Variants in C12orf50 observed in about 807,000 individuals in gnomAD.
C12orf50 encodes zinc finger CCCH-type containing 11D, also known as uncharacterized protein C12orf50.
Under a neutral mutation model 61.6 loss-of-function variants are expected in C12orf50, and 35 were observed. The observed-to-expected ratio is 0.57, with a 90% CI of 0.43 to 0.75. The LOEUF is 0.75. C12orf50 is among the 30% of genes least tolerant of loss of function. C12orf50 has a pLI of 0.00. For missense variants in C12orf50, 475 were observed against 488.5 expected, an observed-to-expected ratio of 0.97 and a Z score of 0.26; for synonymous variants, 178 against 161.5, an observed-to-expected ratio of 1.10 and a Z score of -0.77.
At position 88,026,548 on chromosome 12, in the gene C12orf50, A is replaced by G. The variant is rs1386639380; in HGVS notation, c.73T>C (p.Cys25Arg). ...CGAGGTTTGCTGTGATAAAAGATAC[A>G]GCTGATCTTCACACAACCAAGAGGC... ...TQPLGCVKIS[C>R]IFYHSKPRNI... Residue 25 changes from cysteine (C) to arginine (R), a missense_variant, in exon 3 of 13, where the codon TGT (cysteine) becomes CGT (arginine). By Grantham distance (180) the Cys-to-Arg change is radical. Coordinates refer to ENST00000298699, the MANE Select transcript of C12orf50 (RefSeq NM_152589.3). 34 of 1,613,966 alleles carry G rather than the reference A, an allele frequency of 2.1e-5. No individual in the cohort carries two copies. Among genetic ancestry groups the G allele is most frequent in the Non-Finnish European group, 2.9e-5 (34 of 1,179,982 alleles).
At chr12:88,025,441 G>A (rs542146640) in intron 3 of C12orf50, among the ~76,000 whole-genome samples, 2 of 152,086 alleles carry the variant, frequency 1.3e-5, no homozygotes, top group East Asian at 3.9e-4. Context: ...GAGGGAAGGA[G>A]GTATAAAAAG....
intron 3 of C12orf50, among the ~76,000 whole-genome samples, chr12:88,004,764 A>G (rs1000355334): frequency 3.9e-5 from 6 of 152,202 alleles, no homozygotes; most frequent in Non-Finnish European, 8.8e-5. Context: ...CATTATCCTA[A>G]GCGAACTGAC....
chr12:87,989,855 T>C (rs1180354831), intron 7 of C12orf50, among the ~76,000 whole-genome samples: 2 of 152,162 alleles, frequency 1.3e-5, no homozygotes, highest in African/African-American at 4.8e-5. Flanking sequence ...AACCTTATTT[T>C]AAAATGACAC....
intron 3 of C12orf50, among the ~76,000 whole-genome samples, chr12:87,998,603 G>A (rs896630207): frequency 1.1e-4 from 16 of 152,016 alleles, no homozygotes; most frequent in African/African-American, 3.6e-4. Flanking sequence ...AATATTTTCC[G>A]AATTAATCTA....
chr12:88,022,569 C>G (rs1177507041), intron 3 of C12orf50, among the ~76,000 whole-genome samples: 2 of 152,172 alleles, frequency 1.3e-5, no homozygotes, highest in Non-Finnish European at 2.9e-5. Context: ...CAAATTATCC[C>G]TGTTTGCAGA....
intron 3 of C12orf50, among the ~76,000 whole-genome samples, chr12:88,018,107 G>A (rs376290561): frequency 1.1e-4 from 16 of 152,344 alleles, no homozygotes; most frequent in African/African-American, 3.8e-4. Context: ...TCCAATGTAT[G>A]TCAGGGACCT....
intron 9 of C12orf50, 97 bp from the exon 10 acceptor site, chr12:87,986,513 A>C: frequency 1.2e-6 from 1 of 801,318 alleles, no homozygotes. Context: ...TCACATGTCA[A>C]GCAAGAGGAA....
In C12orf50 at chr12:87,988,520, A is replaced by G. The variant is rs576724356; in HGVS notation, c.701-554T>C. ...AACTTAAATTCAAAGAGTCATAAAT[A>G]GCTGGTGGCTACCATATTAGTATAG... On this transcript the variant is annotated intron_variant, in intron 8 of 12. Coordinates refer to ENST00000298699, the MANE Select transcript of C12orf50 (RefSeq NM_152589.3). 7.2e-5 allele frequency among the ~76,000 whole-genome samples: 11 copies of G among 152,324 alleles called. No individual in the cohort carries two copies. In the East Asian group the frequency reaches 2.1e-3, roughly 29 times the overall value.
At chr12:88,015,276 T>C (rs2032269788) in intron 3 of C12orf50, among the ~76,000 whole-genome samples, 1 of 152,224 alleles carries the variant, frequency 6.6e-6, no homozygotes, top group African/African-American at 2.4e-5. Context: ...AAAGTGTTTA[T>C]TAAATTATTT....
At chr12:88,023,443 A>T (rs1055437544) in intron 3 of C12orf50, among the ~76,000 whole-genome samples, 2 of 151,718 alleles carry the variant, frequency 1.3e-5, no homozygotes, top group African/African-American at 4.8e-5. Context: ...AGGTGGGTGG[A>T]TCACAAGGTC....
In C12orf50 at chr12:87,985,941, G is replaced by C; in HGVS notation, c.1035C>G (p.Val345=). Residue 345 remains valine, a synonymous_variant, in exon 11 of 13, where the codon GTC becomes GTG. Transcript: ENST00000298699. ...IHVQRDAVRT[V]ALNAPSRSRP... The stretch of plus-strand genomic sequence containing the variant: ...TGCTGCGGGAAGGTGCATTCAACGC[G>C]ACAGTCCTGACAGCATCTCTTTGAA... 2 of 1,613,858 alleles carry C rather than the reference G, an allele frequency of 1.2e-6. No individual in the cohort carries two copies. The highest frequency in any genetic ancestry group is 1.3e-5 in the African/African-American group (1 of 74,988).
At chr12:88,027,820 C>G (rs1219591651) in intron 1 of C12orf50, 1 of 152,086 alleles carries the variant, frequency 6.6e-6, no homozygotes, top group Non-Finnish European at 1.5e-5. Context: ...TAACATTCTT[C>G]CCTCTTTTGA....
At chr12:87,998,568 T>C (rs2031520090) in intron 3 of C12orf50, among the ~76,000 whole-genome samples, 1 of 152,194 alleles carries the variant, frequency 6.6e-6, no homozygotes, top group Non-Finnish European at 1.5e-5. Flanking sequence ...TCCTTGTTTA[T>C]GGACTGATTT....
intron 10 of C12orf50, 100 bp downstream of exon 10, chr12:87,986,211 TA>T (rs2030812183): frequency 8.2e-7 from 1 of 1,226,294 alleles, no homozygotes; most frequent in Non-Finnish European, 1.1e-6. Context: ...AAGTAACATT[TA>T]CGTCACATGA....
intron 7 of C12orf50, among the ~76,000 whole-genome samples, chr12:87,993,471 T>C (rs1010376948): frequency 4.6e-5 from 7 of 151,978 alleles, no homozygotes; most frequent in Admixed American, 1.3e-4. Context: ...AACCAAACAA[T>C]TACAGCTAGA....
intron 3 of C12orf50, among the ~76,000 whole-genome samples, chr12:88,007,527 C>A (rs1362502540): frequency 1.3e-5 from 2 of 152,176 alleles, no homozygotes; most frequent in Non-Finnish European, 2.9e-5. Flanking sequence ...CAAGATGGTG[C>A]CTCGTTACTG....
At chr12:88,027,175 G>T in intron 1 of C12orf50, 105 bp from the exon 2 acceptor site, 1 of 1,170,234 alleles carries the variant, frequency 8.5e-7, no homozygotes, top group Non-Finnish European at 1.2e-6. Context: ...GATTACACTA[G>T]AATCACAAAG....
chr12:88,026,358 C>T (rs947690017), intron 3 of C12orf50, 130 bp downstream of exon 3: 1 of 1,008,612 alleles, frequency 9.9e-7, no homozygotes. Flanking sequence ...TAGAATCATT[C>T]CAAATTACCC....
At chr12:87,997,420 A>T (rs2031446505) in intron 4 of C12orf50, among the ~76,000 whole-genome samples, 1 of 152,100 alleles carries the variant, frequency 6.6e-6, no homozygotes, top group Admixed American at 6.6e-5. Flanking sequence ...ATTTATATAG[A>T]TATACATTTT....
Sources: allele counts gnomAD v4.1 joint callset (sites outside exome capture counted in the v4.1 genomes callset), GRCh38; gene constraint gnomAD v4.1.1; transcripts MANE v1.5; gene names NCBI Gene and HGNC (gene_info 2026-07-23, HGNC 2026-07-21).